The following ASCC1 variants were observed in gnomAD, a reference collection of about 807,000 sequenced individuals.
ASCC1 encodes the protein activating signal cointegrator 1 complex subunit 1, also known as ASC-1 complex subunit P50.
In ASCC1, 35 loss-of-function variants were observed where a neutral mutation model predicts 46.6. The observed-to-expected ratio is 0.75, with a 90% CI of 0.57 to 0.99. ASCC1 has a LOEUF of 0.99. Ranked by LOEUF, ASCC1 falls within the 50% of genes least tolerant of loss-of-function variation. The pLI is 0.00. For synonymous variants in ASCC1, 143 were observed against 146.6 expected (o/e 0.98, Z 0.18); for missense variants, 376 against 428.7 (o/e 0.88, Z 1.09).
At chr10:72,127,596 C>A (rs1405386644) in intron 9 of ASCC1, among the ~76,000 whole-genome samples, 1 of 149,848 alleles carries the variant, frequency 6.7e-6, no homozygotes, top group Non-Finnish European at 1.5e-5. Flanking sequence ...CTCATAAGTA[C>A]AGAGTAAAAC....
chr10:72,196,079 C>T (rs1481850749), intron 5 of ASCC1, among the ~76,000 whole-genome samples: 1 of 151,986 alleles, frequency 6.6e-6, no homozygotes, highest in Non-Finnish European at 1.5e-5. Flanking sequence ...GGATTATCTG[C>T]TATTATCCTG....
chr10:72,203,645 C>A, intron 3 of ASCC1, 121 bp from the exon 4 acceptor site: 1 of 770,602 alleles, frequency 1.3e-6, no homozygotes, highest in South Asian at 1.5e-5. Flanking sequence ...TCAGTAAAAG[C>A]TCAATATTTG....
intron 5 of ASCC1, among the ~76,000 whole-genome samples, chr10:72,187,880 G>C (rs1853735892): frequency 6.6e-6 from 1 of 151,282 alleles, no homozygotes; most frequent in Non-Finnish European, 1.5e-5. Context: ...TTGAACCCAG[G>C]AGGCAGAGCC....
chr10:72,203,400 ATGTAAC>A lies in ASCC1; in HGVS notation c.310+21_310+26del. 2.0e-6 allele frequency: 3 copies of A among 1,526,328 alleles called. No homozygotes were observed. In the South Asian group the frequency reaches 3.4e-5, roughly 17 times the overall value. The allele number at this position is 1,526,328 out of a possible 1,614,324, so 94.5% of individuals were successfully genotyped here. A position where few individuals can be genotyped will look rare whatever the true frequency, so the allele number is the denominator to read the frequency against. On this transcript the variant is annotated intron_variant, in intron 4 of 9. Coordinates refer to ENST00000672957, the MANE Select transcript of ASCC1 (RefSeq NM_001198800.3). ...CATAAACATGCAAAAGTGACTTCAA[ATGTAAC>A]TTATATCTACTGAGTCTCACCAATT...
At chr10:72,121,700 T>C (rs1844229334) in intron 9 of ASCC1, among the ~76,000 whole-genome samples, 1 of 152,140 alleles carries the variant, frequency 6.6e-6, no homozygotes. Flanking sequence ...CAAGAAGACC[T>C]AACAATCCTT....
chr10:72,151,274 G>T (rs563345866), intron 7 of ASCC1, among the ~76,000 whole-genome samples: 1 of 152,322 alleles, frequency 6.6e-6, no homozygotes, highest in South Asian at 2.1e-4. Flanking sequence ...CCATAAAAAA[G>T]GATGAGTTCA....
rs746994660 is a variant in ASCC1 at position 72,196,951 on chromosome 10, G to A, written c.349C>T (p.Arg117Ter). The A allele has an allele frequency of 6.8e-6, 11 of 1,613,432 alleles. No individual in the cohort carries two copies. Among genetic ancestry groups the A allele is most frequent in the South Asian group, 5.5e-5 (5 of 91,088 alleles). Residue 117 changes from arginine to a stop codon, truncating the protein, a stop_gained, in exon 5 of 10, where the codon CGA becomes TGA. Transcript: ENST00000672957. LOFTEE classifies it high-confidence loss of function. ...GQHRNGVISA[R>*]TRIDVLLDTF... ...TCCAAAAGAACATCAATCCGTGTTC[G>A]GGCTGAAATTACACCATTTCGATGC...
intron 3 of ASCC1, chr10:72,204,578 G>T: frequency 6.6e-7 from 1 of 1,514,498 alleles, no homozygotes; most frequent in Non-Finnish European, 8.9e-7. Context: ...ATCAAGTTAA[G>T]AACTCCTTGT....
intron 5 of ASCC1, among the ~76,000 whole-genome samples, chr10:72,166,531 CT>C (rs1187315063): frequency 6.7e-6 from 1 of 150,314 alleles, no homozygotes; most frequent in Non-Finnish European, 1.5e-5. Context: ...CAATATCTGC[CT>C]TTTTTTAGAT....
intron 5 of ASCC1, among the ~76,000 whole-genome samples, chr10:72,179,025 C>T (rs980574371): frequency 1.3e-5 from 2 of 151,964 alleles, no homozygotes; most frequent in African/African-American, 4.8e-5. Context: ...AATATCTGAT[C>T]CATATGACAC....
chr10:72,121,275 C>T (rs1308780851), intron 9 of ASCC1, among the ~76,000 whole-genome samples: 2 of 152,130 alleles, frequency 1.3e-5, no homozygotes, highest in Non-Finnish European at 2.9e-5. Context: ...TCCAAAGTAG[C>T]TGGGACTACA....
chr10:72,117,435 A>G (rs1843621392), intron 9 of ASCC1, among the ~76,000 whole-genome samples: 1 of 152,154 alleles, frequency 6.6e-6, no homozygotes, highest in Non-Finnish European at 1.5e-5. Context: ...CTTAGGGTCT[A>G]TTTCCTCCTT....
intron 6 of ASCC1, among the ~76,000 whole-genome samples, chr10:72,160,329 A>C (rs1849494034): frequency 6.6e-6 from 1 of 152,202 alleles, no homozygotes; most frequent in South Asian, 2.1e-4. Context: ...GCCTACAAGA[A>C]TGGAGTAAAA....
chr10:72,136,182 G>C (rs559107933), intron 7 of ASCC1, among the ~76,000 whole-genome samples: 109 of 152,056 alleles, frequency 7.2e-4, no homozygotes, highest in Non-Finnish European at 1.3e-3. Context: ...GCCACTGAGA[G>C]GTTAAGCCAG....
At chr10:72,102,671 A>G (rs535209359) in intron 9 of ASCC1, among the ~76,000 whole-genome samples, 1 of 152,240 alleles carries the variant, frequency 6.6e-6, no homozygotes, top group East Asian at 1.9e-4. Context: ...ACCTAATGCC[A>G]ATAATTATAC....
At chr10:72,200,397 T>C (rs2133344356) in intron 4 of ASCC1, among the ~76,000 whole-genome samples, 1 of 152,220 alleles carries the variant, frequency 6.6e-6, no homozygotes, top group Non-Finnish European at 1.5e-5. Context: ...ATACCTGTAA[T>C]ACCAGCACTT....
intron 9 of ASCC1, among the ~76,000 whole-genome samples, chr10:72,106,175 C>T (rs1842325480): frequency 6.6e-6 from 1 of 152,110 alleles, no homozygotes; most frequent in African/African-American, 2.4e-5. Flanking sequence ...CTCAATACTA[C>T]TTGAATAAGA....
At chr10:72,154,953 T>C (rs1442383564) in intron 6 of ASCC1, among the ~76,000 whole-genome samples, 1 of 152,106 alleles carries the variant, frequency 6.6e-6, no homozygotes, top group Non-Finnish European at 1.5e-5. Flanking sequence ...GGTACTGATA[T>C]AAAACAATAT....
At chr10:72,188,115 C>T (rs958463532) in intron 5 of ASCC1, among the ~76,000 whole-genome samples, 1 of 148,948 alleles carries the variant, frequency 6.7e-6, no homozygotes, top group Non-Finnish European at 1.5e-5. Flanking sequence ...GTTTCTAATA[C>T]TTCTTCTTTT....
Sources: gnomAD v4.1 joint callset for allele counts (sites outside exome capture counted in the v4.1 genomes callset) on GRCh38, gnomAD v4.1.1 for gene constraint, MANE v1.5 for transcripts, NCBI Gene and HGNC (gene_info 2026-07-23, HGNC 2026-07-21) for gene names.